ASIC2: variants seen among roughly 807,000 people sequenced by gnomAD.
The protein encoded by ASIC2 is acid-sensing ion channel 2.
Under a neutral mutation model 57.3 loss-of-function variants are expected in ASIC2, and 25 were observed. The observed-to-expected ratio is 0.44, with a 90% CI of 0.32 to 0.61. The LOEUF is 0.61. ASIC2 is among the 20% of genes least tolerant of loss of function. The pLI is 0.06. For missense variants in ASIC2, 641 were observed against 738.1 expected (o/e 0.87, Z 1.52); for synonymous variants, 319 against 307.5 (o/e 1.04, Z -0.39).
chr17:33,302,312 T>C (rs1006112954), intron 1 of ASIC2, among the ~76,000 whole-genome samples: 3 of 152,212 alleles, frequency 2.0e-5, no homozygotes, highest in Non-Finnish European at 1.5e-5. Context: ...GACGAAAAGA[T>C]ATGCAGCTAA....
chr17:34,025,140 C>A (rs959263669), intron 1 of ASIC2, among the ~76,000 whole-genome samples: 1 of 152,200 alleles, frequency 6.6e-6, no homozygotes, highest in African/African-American at 2.4e-5. Flanking sequence ...AGCTCCTAGA[C>A]CCTGCTCTGC....
At chr17:33,767,409 C>T (rs147501970) in intron 1 of ASIC2, among the ~76,000 whole-genome samples, 17 of 152,222 alleles carry the variant, frequency 1.1e-4, no homozygotes, top group Non-Finnish European at 2.1e-4. Context: ...AATGTGTTTG[C>T]GTATAAATTA....
chr17:33,256,262 T>C (rs1909065328), intron 1 of ASIC2, among the ~76,000 whole-genome samples: 2 of 151,900 alleles, frequency 1.3e-5, no homozygotes, highest in African/African-American at 4.8e-5. Flanking sequence ...AAAAAAACAA[T>C]ATGGATTTGT....
chr17:33,692,509 A>T (rs1361446804), intron 1 of ASIC2: 1 of 152,248 alleles, frequency 6.6e-6, no homozygotes, highest in Non-Finnish European at 1.5e-5. Context: ...TGAACCAAAC[A>T]GTATACACAA....
chr17:34,137,311 G>A (rs1319707527), intron 1 of ASIC2, among the ~76,000 whole-genome samples: 1 of 152,192 alleles, frequency 6.6e-6, no homozygotes, highest in Non-Finnish European at 1.5e-5. Flanking sequence ...CTCCACAATT[G>A]AGACTTTAGC....
At chr17:33,152,045 C>G (rs1369550809) in intron 1 of ASIC2, among the ~76,000 whole-genome samples, 1 of 152,210 alleles carries the variant, frequency 6.6e-6, no homozygotes, top group Non-Finnish European at 1.5e-5. Context: ...GATTAAGGGT[C>G]TACCATTTAA....
chr17:34,031,583 G>A (rs1031358261), intron 1 of ASIC2, among the ~76,000 whole-genome samples: 5 of 152,176 alleles, frequency 3.3e-5, no homozygotes, highest in South Asian at 2.1e-4. Flanking sequence ...GAGGAAATTC[G>A]AACCAATGGC....
chr17:33,246,903 C>T (rs1908711122), intron 1 of ASIC2, among the ~76,000 whole-genome samples: 1 of 152,094 alleles, frequency 6.6e-6, no homozygotes, highest in Admixed American at 6.5e-5. Flanking sequence ...GCCAGTTTGT[C>T]CATCAGCCAC....
chr17:33,448,812 A>G, intron 1 of ASIC2, among the ~76,000 whole-genome samples: 1 of 152,246 alleles, frequency 6.6e-6, no homozygotes, highest in East Asian at 1.9e-4. Flanking sequence ...ATCCGTTTTC[A>G]TCCCAGTACC....
chr17:33,636,389 C>T (rs529928243), intron 1 of ASIC2, among the ~76,000 whole-genome samples: 2 of 152,234 alleles, frequency 1.3e-5, no homozygotes, highest in South Asian at 2.1e-4. Flanking sequence ...AAGAAGGCAG[C>T]CTTCAGTCCC....
chr17:33,275,532 G>C (rs765277607), intron 1 of ASIC2, among the ~76,000 whole-genome samples: 2 of 152,204 alleles, frequency 1.3e-5, no homozygotes, highest in Non-Finnish European at 2.9e-5. Context: ...AAGGGAGTGG[G>C]AAGAGCTAGG....
intron 1 of ASIC2, among the ~76,000 whole-genome samples, chr17:33,401,704 A>C (rs1567849220): frequency 6.6e-6 from 1 of 152,214 alleles, no homozygotes; most frequent in Admixed American, 6.5e-5. Context: ...AATGACCATA[A>C]AATCTTTGTT....
intron 1 of ASIC2, among the ~76,000 whole-genome samples, chr17:33,482,488 C>T (rs1157412867): frequency 1.3e-5 from 2 of 152,240 alleles, no homozygotes; most frequent in Non-Finnish European, 2.9e-5. Context: ...TGCCAATTCC[C>T]AGTAATATCC....
In ASIC2 at chr17:33,167,483, C is replaced by G. The variant is rs192961989; in HGVS notation, c.709-55416G>C. 5.7e-4 allele frequency among the ~76,000 whole-genome samples: 87 copies of G among 152,264 alleles called. 1 individual carries two copies. In the East Asian group the frequency reaches 0.015, roughly 26 times the overall value. On this transcript the variant is annotated intron_variant, in intron 1 of 9. Transcript: ENST00000225823. ...CAGCCTTTGAATTGTTTCTGCCCTG[C>G]CCCCACTACCCCCCACCCGGTTCCC... is the stretch of plus-strand genomic sequence containing the variant.
intron 1 of ASIC2, among the ~76,000 whole-genome samples, chr17:34,099,355 G>A (rs1910718297): frequency 7.0e-6 from 1 of 142,708 alleles, no homozygotes; most frequent in Non-Finnish European, 1.5e-5. Context: ...AGGGAGGAAA[G>A]AAGGAAGGAA....
At chr17:33,023,673 G>A (rs910041190) in intron 6 of ASIC2, among the ~76,000 whole-genome samples, 188 bp downstream of exon 6, 3 of 152,042 alleles carry the variant, frequency 2.0e-5, no homozygotes, top group Non-Finnish European at 2.9e-5. Flanking sequence ...AAGGGCAGGG[G>A]CTGTGTCTTA....
At chr17:33,077,192 C>G (rs934489399) in intron 3 of ASIC2, among the ~76,000 whole-genome samples, 1 of 152,022 alleles carries the variant, frequency 6.6e-6, no homozygotes, top group Non-Finnish European at 1.5e-5. Flanking sequence ...TCTTCCTGTC[C>G]TTTGTCACCC....
At chr17:33,575,121 G>T (rs1916576632) in intron 1 of ASIC2, among the ~76,000 whole-genome samples, 2 of 152,220 alleles carry the variant, frequency 1.3e-5, no homozygotes, top group African/African-American at 4.8e-5. Context: ...TGATAAAGGG[G>T]CTGGACACAA....
intron 1 of ASIC2, among the ~76,000 whole-genome samples, chr17:33,903,685 G>C (rs1915278317): frequency 6.6e-6 from 1 of 152,184 alleles, no homozygotes; most frequent in Admixed American, 6.5e-5. Flanking sequence ...TTTGAAAATA[G>C]AAAGTTGAAT....
Sources: gnomAD v4.1 joint callset for allele counts (sites outside exome capture counted in the v4.1 genomes callset) on GRCh38, gnomAD v4.1.1 for gene constraint, MANE v1.5 for transcripts, NCBI Gene and HGNC (gene_info 2026-07-23, HGNC 2026-07-21) for gene names.